TRAPPC10: variants seen among roughly 807,000 people sequenced by gnomAD.
TRAPPC10 encodes trafficking protein particle complex subunit 10, also known as TRAPP 130 kDa subunit.
A neutral mutation model predicts 125.5 loss-of-function variants in TRAPPC10; 23 were observed. The ratio of observed to expected loss-of-function variants is 0.18; its 90% CI spans 0.13 to 0.26. The LOEUF (loss-of-function observed/expected upper bound fraction) is 0.26. Ranked by LOEUF, TRAPPC10 falls within the 10% of genes least tolerant of loss-of-function variation. TRAPPC10 has a pLI of 1.00. For synonymous variants in TRAPPC10, 509 were observed against 518.0 expected, an observed-to-expected ratio of 0.98 and a Z score of 0.24; for missense variants, 1,123 against 1,308.4, an observed-to-expected ratio of 0.86 and a Z score of 2.19.
chr21:44,073,940 G>A (rs935918872), intron 7 of TRAPPC10, among the ~76,000 whole-genome samples: 5 of 151,872 alleles, frequency 3.3e-5, no homozygotes, highest in Non-Finnish European at 5.9e-5. Flanking sequence ...CACTCTTGGA[G>A]TAAATGATCA....
In TRAPPC10 at chr21:44,069,427, A is replaced by G. The variant is rs1051643289; in HGVS notation, c.1039-4897A>G. Among the ~76,000 whole-genome samples the G allele has an allele frequency of 5.9e-5, 9 of 152,226 alleles. No individual in the cohort carries two copies. The South Asian group carries it at 6.2e-4, about 10-fold the overall frequency. On this transcript the variant is annotated intron_variant, in intron 7 of 22. Coordinates refer to ENST00000291574, the MANE Select transcript of TRAPPC10 (RefSeq NM_003274.5). ...GGGCTCAGTCTCATGAATCATAGCA[A>G]AATGCAAACTGAAGCCATTATTAAT... is the stretch of plus-strand genomic sequence containing the variant.
At chr21:44,030,388 A>G (rs1420049862) in intron 1 of TRAPPC10, among the ~76,000 whole-genome samples, 3 of 152,220 alleles carry the variant, frequency 2.0e-5, no homozygotes, top group African/African-American at 7.2e-5. Flanking sequence ...TAACAGGACA[A>G]CAGAAATTGG....
Position 44,032,070 on chromosome 21 carries a change from ATTTC to A in TRAPPC10, c.68-14_68-11del. The A allele has an allele frequency of 3.1e-6, 5 of 1,597,752 alleles. No individual in the cohort carries two copies. Among genetic ancestry groups the A allele is most frequent in the Non-Finnish European group, 4.3e-6 (5 of 1,170,298 alleles). ...ATTCACCTAAAAATATGGTAACTGA[ATTTC>A]TTTCTTCCCTTCATAGGTGCTGGAG... On this transcript the variant is annotated splice_polypyrimidine_tract_variant and intron_variant, in intron 1 of 22. Coordinates refer to ENST00000291574, the MANE Select transcript of TRAPPC10 (RefSeq NM_003274.5).
intron 1 of TRAPPC10, among the ~76,000 whole-genome samples, chr21:44,025,335 G>A (rs972756960): frequency 1.3e-5 from 2 of 152,344 alleles, no homozygotes; most frequent in South Asian, 4.1e-4. Flanking sequence ...GAACCCTTCT[G>A]TCTAAAGCCT....
intron 1 of TRAPPC10, among the ~76,000 whole-genome samples, chr21:44,016,956 G>A (rs1160351640): frequency 6.6e-6 from 1 of 152,174 alleles, no homozygotes; most frequent in Non-Finnish European, 1.5e-5. Flanking sequence ...CGCCCAGCCA[G>A]GTTAAAGTTT....
chr21:44,055,515 T>C (rs2035518191), intron 4 of TRAPPC10, among the ~76,000 whole-genome samples, 183 bp from the exon 5 acceptor site: 1 of 150,512 alleles, frequency 6.6e-6, no homozygotes, highest in Non-Finnish European at 1.5e-5. Flanking sequence ...GAGGTGGAGG[T>C]TGCAGTGAGC....
At chr21:44,035,117 A>G (rs944764905) in intron 2 of TRAPPC10, among the ~76,000 whole-genome samples, 2 of 152,230 alleles carry the variant, frequency 1.3e-5, no homozygotes, top group African/African-American at 4.8e-5. Context: ...ACATTCTTGC[A>G]TTGGAAACTT....
At chr21:44,039,234 A>AC (rs1310372324) in intron 3 of TRAPPC10, among the ~76,000 whole-genome samples, 1 of 151,724 alleles carries the variant, frequency 6.6e-6, no homozygotes, top group African/African-American at 2.4e-5. Flanking sequence ...TGACCTTTCC[A>AC]CCCATCTCCG....
chr21:44,056,203 C>A (rs992198781), intron 5 of TRAPPC10, among the ~76,000 whole-genome samples: 9 of 152,136 alleles, frequency 5.9e-5, no homozygotes, highest in African/African-American at 2.2e-4. Context: ...ATCCATGAGT[C>A]TGTATCGATA....
intron 1 of TRAPPC10, among the ~76,000 whole-genome samples, chr21:44,028,793 G>A (rs936459739): frequency 2.0e-5 from 3 of 152,328 alleles, no homozygotes; most frequent in African/African-American, 7.2e-5. Flanking sequence ...CAGGGTTTCT[G>A]AGTGTGGGCA....
In TRAPPC10 at chr21:44,074,382, T is replaced by G; in HGVS notation, c.1097T>G (p.Leu366Trp). 6.2e-7 allele frequency: 1 copy of G among 1,614,244 alleles called. No homozygotes were observed. Among genetic ancestry groups the G allele is most frequent in the Non-Finnish European group, 8.5e-7 (1 of 1,180,034 alleles). The change falls in exon 8 of 23, where the codon TTG (leucine) becomes TGG (tryptophan). Residue 366 changes from leucine (L) to tryptophan (W), a missense_variant. By Grantham distance (61) the Leu-to-Trp change is moderately conservative. Transcript: ENST00000291574. ...CWVFLSCLEVLQRIEGCCDRA... is the reference protein window; with the variant it reads ...CWVFLSCLEVWQRIEGCCDRA... ...GTGTTTCTGAGCTGTCTGGAGGTGT[T>G]GCAGAGGATAGAAGGCTGCTGTGAC... is the stretch of plus-strand genomic sequence containing the variant.
intron 5 of TRAPPC10, among the ~76,000 whole-genome samples, chr21:44,057,363 G>A (rs1293101921): frequency 1.3e-5 from 2 of 151,406 alleles, no homozygotes; most frequent in Non-Finnish European, 2.9e-5. Context: ...GCAGTGGTGC[G>A]ATCTCGGCTC....
chr21:44,082,671 C>T lies in TRAPPC10; in HGVS notation c.1724-117C>T. 2 of 1,150,182 alleles carry T rather than the reference C, an allele frequency of 1.7e-6. No individual in the cohort carries two copies. Among genetic ancestry groups the T allele is most frequent in the Non-Finnish European group, 2.5e-6 (2 of 792,916 alleles). The allele number at this position is 1,150,182 out of a possible 1,614,324, so 71.2% of individuals were successfully genotyped here. A position where few individuals can be genotyped will look rare whatever the true frequency, so the allele number is the denominator to read the frequency against. ...GGAGGCTGGGCTCAGCTGCTGTGCC[C>T]ATCACTGCTGCTTGCTTCAGTCTGC... On this transcript the variant is annotated intron_variant, in intron 13 of 22. Coordinates refer to ENST00000291574, the MANE Select transcript of TRAPPC10 (RefSeq NM_003274.5). This position sits in a 1 kb window ranked among gnomAD's most constrained non-coding sequence, Gnocchi z 4.4.
chr21:44,059,098 A>C lies in TRAPPC10; in HGVS notation c.679-5A>C. On this transcript the variant is annotated splice_region_variant and splice_polypyrimidine_tract_variant and intron_variant, in intron 5 of 22. Coordinates refer to ENST00000291574, the MANE Select transcript of TRAPPC10 (RefSeq NM_003274.5). The surrounding 1 kb of genome is among the most constrained non-coding windows in gnomAD (Gnocchi z 4.4). ...TTTTTTAAAAAACGTATCTTGGGCG[A>C]ATAGGAGGAGCTTGCCTTTGTTTTC... The C allele has an allele frequency of 6.3e-7, 1 of 1,582,856 alleles. No homozygotes were observed. Among genetic ancestry groups the C allele is most frequent in the South Asian group, 1.2e-5 (1 of 86,198 alleles).
Position 44,063,338 on chromosome 21 carries a change from G to A in TRAPPC10, c.791-200G>A, listed in dbSNP as rs2036194712. On this transcript the variant is annotated intron_variant, in intron 6 of 22. Coordinates refer to ENST00000291574, the MANE Select transcript of TRAPPC10 (RefSeq NM_003274.5). This position sits in a 1 kb window ranked among gnomAD's most constrained non-coding sequence, Gnocchi z 4.4. ...TGGGCATGGTAGGGTGGTGTGCCTT[G>A]TTGCCTGGGTCACGTTACCCTCAGC... is the stretch of plus-strand genomic sequence containing the variant. Among the ~76,000 whole-genome samples, 1 of 152,182 alleles carries A rather than the reference G, an allele frequency of 6.6e-6. No individual in the cohort carries two copies. The highest frequency in any genetic ancestry group is 2.1e-4 in the South Asian group (1 of 4,826).
intron 15 of TRAPPC10, among the ~76,000 whole-genome samples, chr21:44,085,819 G>A (rs1034543852): frequency 6.6e-6 from 1 of 152,212 alleles, no homozygotes; most frequent in Non-Finnish European, 1.5e-5. Flanking sequence ...AAATTGGAAG[G>A]AGTTGCTATA....
intron 7 of TRAPPC10, among the ~76,000 whole-genome samples, chr21:44,068,364 G>T (rs1394725634): frequency 6.6e-6 from 1 of 152,118 alleles, no homozygotes; most frequent in Non-Finnish European, 1.5e-5. Flanking sequence ...CTCTGGAGGA[G>T]CCTGGTCTTG....
intron 3 of TRAPPC10, among the ~76,000 whole-genome samples, chr21:44,048,557 G>T (rs540798409): frequency 6.6e-6 from 1 of 152,026 alleles, no homozygotes; most frequent in Non-Finnish European, 1.5e-5. Context: ...GTAGTAGTGA[G>T]ATCTCAGCTC....
intron 2 of TRAPPC10, among the ~76,000 whole-genome samples, chr21:44,036,046 G>C (rs929076605): frequency 2.0e-5 from 3 of 152,148 alleles, no homozygotes; most frequent in African/African-American, 7.2e-5. Context: ...CACCTGAGGG[G>C]CTTTTCAGAA....
Sources: gnomAD v4.1 joint callset for allele counts (sites outside exome capture counted in the v4.1 genomes callset) on GRCh38, gnomAD v4.1.1 for gene constraint, Gnocchi (gnomAD v3.1) non-coding constraint, MANE v1.5 for transcripts, NCBI Gene and HGNC (gene_info 2026-07-23, HGNC 2026-07-21) for gene names.